The following CHN1 variants were observed in gnomAD, a reference collection of about 807,000 sequenced individuals.
CHN1 encodes the protein N-chimaerin.
CHN1 carries 37 observed loss-of-function variants against 59.5 expected under a neutral mutation model. The ratio of observed to expected loss-of-function variants is 0.62; its 90% confidence interval spans 0.48 to 0.82. The LOEUF (loss-of-function observed/expected upper bound fraction) is 0.82. Ranked by LOEUF, CHN1 falls within the 40% of genes least tolerant of loss-of-function variation. The pLI is 0.00. For missense variants in CHN1, 469 were observed against 571.0 expected (o/e 0.82, Z 1.82); for synonymous variants, 206 against 200.4 (o/e 1.03, Z -0.24).
At chr2:174,963,761 GA>G (rs1574219985) in intron 1 of CHN1, among the ~76,000 whole-genome samples, 2 of 152,172 alleles carry the variant, frequency 1.3e-5, no homozygotes, top group Non-Finnish European at 2.9e-5. Flanking sequence ...AAGAGTCGGA[GA>G]AAGCAAACCA....
chr2:174,919,950 C>T (rs368494345), intron 3 of CHN1, among the ~76,000 whole-genome samples: 4 of 152,216 alleles, frequency 2.6e-5, no homozygotes, highest in African/African-American at 9.6e-5. Context: ...CACGTTCTTT[C>T]CTTCTCCTTC....
chr2:175,003,194 A>G (rs1377229148), intron 1 of CHN1, among the ~76,000 whole-genome samples: 1 of 152,236 alleles, frequency 6.6e-6, no homozygotes, highest in East Asian at 1.9e-4. Flanking sequence ...TAGCCTCTGC[A>G]CTCAAGAGTG....
chr2:174,921,694 G>A (rs753242296), intron 3 of CHN1, among the ~76,000 whole-genome samples: 88 of 152,028 alleles, frequency 5.8e-4, no homozygotes, highest in Non-Finnish European at 9.4e-4. Context: ...TGGCAGAAGG[G>A]GAAGCAAACA....
intron 2 of CHN1, among the ~76,000 whole-genome samples, chr2:174,945,686 C>A (rs1419229738): frequency 6.6e-6 from 1 of 151,182 alleles, no homozygotes; most frequent in Non-Finnish European, 1.5e-5. Flanking sequence ...TTTTCTATTT[C>A]TACATATATA....
At chr2:174,921,784 G>A (rs369333882) in intron 3 of CHN1, among the ~76,000 whole-genome samples, 46 of 152,196 alleles carry the variant, frequency 3.0e-4, no homozygotes, top group Non-Finnish European at 1.6e-4. Flanking sequence ...ATCAGATCTC[G>A]TGAGAACTCA....
At chr2:174,976,048 C>A (rs1172433982) in intron 1 of CHN1, among the ~76,000 whole-genome samples, 1 of 135,448 alleles carries the variant, frequency 7.4e-6, no homozygotes, top group Non-Finnish European at 1.5e-5. Flanking sequence ...ATGGTGTGAA[C>A]CCGGGAGGCG....
chr2:174,850,100 C>T (rs1686680186), intron 6 of CHN1, among the ~76,000 whole-genome samples: 1 of 152,128 alleles, frequency 6.6e-6, no homozygotes, highest in African/African-American at 2.4e-5. Context: ...TTCAAACACC[C>T]CCTCCTACGT....
At chr2:174,846,859 A>G (rs1362686403) in intron 7 of CHN1, 21 bp downstream of exon 7, 2 of 1,537,940 alleles carry the variant, frequency 1.3e-6, no homozygotes. Flanking sequence ...TTCTTAAAAG[A>G]CTAAAAGCAA....
chr2:174,895,169 T>G (rs1005566627), intron 5 of CHN1, among the ~76,000 whole-genome samples: 1 of 147,662 alleles, frequency 6.8e-6, no homozygotes, highest in Non-Finnish European at 1.5e-5. Flanking sequence ...TATGTGGTTA[T>G]ATATAGGAGT....
intron 1 of CHN1, among the ~76,000 whole-genome samples, chr2:174,964,872 T>C (rs1310538704): frequency 6.6e-6 from 1 of 152,222 alleles, no homozygotes; most frequent in Non-Finnish European, 1.5e-5. Context: ...TTTCTTGCTT[T>C]TTTAAACTCA....
chr2:174,817,936 C>T lies in CHN1; in HGVS notation c.713-5454G>A, dbSNP rs146830529. ...ACAGGCATGAGCCATCGCGCCCGGC[C>T]AATTTTTTGTATTTTTAGTAGAGAT... is the stretch of plus-strand genomic sequence containing the variant. On this transcript the variant is annotated intron_variant, in intron 8 of 12. Coordinates refer to ENST00000409900, the MANE Select transcript of CHN1 (RefSeq NM_001822.7). Among the ~76,000 whole-genome samples, 831 of 152,076 alleles carry T rather than the reference C, an allele frequency of 5.5e-3. 5 individuals carry two copies. The highest frequency in any genetic ancestry group is 0.027 in the Middle Eastern group (8 of 294).
At chr2:174,844,629 A>ACAAT (rs1236817559) in intron 7 of CHN1, among the ~76,000 whole-genome samples, 7 of 152,216 alleles carry the variant, frequency 4.6e-5, no homozygotes, top group South Asian at 2.1e-4. Flanking sequence ...TGTGTATATC[A>ACAAT]CAATCAGTGA....
chr2:174,812,604 C>T, intron 8 of CHN1, 122 bp from the exon 9 acceptor site: 1 of 750,804 alleles, frequency 1.3e-6, no homozygotes, highest in Admixed American at 2.8e-5. Flanking sequence ...GACTAGACTC[C>T]AGCAGTTCTT....
At position 174,946,023 on chromosome 2, in the gene CHN1, T is replaced by C. The variant is rs1689826338; in HGVS notation, c.59-1080A>G. ...CACACATACACGTAACTGTGAGTACTTCTATGCAAAGGGGATACAGCACTG... is the reference window on the plus strand; with the variant it reads ...CACACATACACGTAACTGTGAGTACCTCTATGCAAAGGGGATACAGCACTG... On this transcript the variant is annotated intron_variant, in intron 2 of 12. Coordinates refer to ENST00000409900, the MANE Select transcript of CHN1 (RefSeq NM_001822.7). Among the ~76,000 whole-genome samples, 3 of 151,974 alleles carry C rather than the reference T, an allele frequency of 2.0e-5. No individual in the cohort carries two copies. In the South Asian group the frequency reaches 6.2e-4, roughly 32 times the overall value.
chr2:174,948,411 G>C (rs149742011), intron 2 of CHN1, among the ~76,000 whole-genome samples: 25 of 152,146 alleles, frequency 1.6e-4, no homozygotes, highest in African/African-American at 5.8e-4. Context: ...AAGGTTCCTG[G>C]TTTAATTCAC....
chr2:174,875,863 C>T (rs1425633387), intron 6 of CHN1: 31 of 982,386 alleles, frequency 3.2e-5, no homozygotes, highest in Non-Finnish European at 3.6e-5. Flanking sequence ...TGTTGGATGA[C>T]ACCTGTAAAT....
chr2:174,895,552 A>T (rs1574138326), intron 5 of CHN1, among the ~76,000 whole-genome samples: 1 of 152,220 alleles, frequency 6.6e-6, no homozygotes, highest in South Asian at 2.1e-4. Flanking sequence ...AAAAATTATT[A>T]AGTTAAAAAA....
intron 6 of CHN1, among the ~76,000 whole-genome samples, chr2:174,855,782 T>A (rs1347610658): frequency 6.6e-6 from 1 of 152,150 alleles, no homozygotes; most frequent in Non-Finnish European, 1.5e-5. Context: ...TTAAAGACTT[T>A]TAAGAATTGT....
At chr2:174,978,976 T>C (rs1691044313) in intron 1 of CHN1, among the ~76,000 whole-genome samples, 1 of 152,216 alleles carries the variant, frequency 6.6e-6, no homozygotes, top group Non-Finnish European at 1.5e-5. Flanking sequence ...ATGTATTAAG[T>C]ACCAACTAGG....
Sources: gnomAD v4.1 joint callset for allele counts (sites outside exome capture counted in the v4.1 genomes callset) on GRCh38, gnomAD v4.1.1 for gene constraint, MANE v1.5 for transcripts, NCBI Gene and HGNC (gene_info 2026-07-23, HGNC 2026-07-21) for gene names.